RNF146: variants seen among roughly 807,000 people sequenced by gnomAD.
The protein encoded by RNF146 is ring finger protein 146.
In RNF146, 11 loss-of-function variants were observed where a neutral mutation model predicts 29.7. The ratio of observed to expected loss-of-function variants is 0.37; its 90% confidence interval spans 0.23 to 0.61. The LOEUF is 0.61. Ranked by LOEUF, RNF146 falls within the 20% of genes least tolerant of loss-of-function variation. The pLI, the probability that RNF146 is intolerant of heterozygous loss-of-function variation, is 0.66. For synonymous variants in RNF146, 150 were observed against 159.7 expected, an observed-to-expected ratio of 0.94 and a Z score of 0.46; for missense variants, 342 against 438.9, an observed-to-expected ratio of 0.78 and a Z score of 1.97.
In RNF146 at chr6:127,286,219, G is replaced by T; in HGVS notation, c.3-397G>T. On this transcript the variant is annotated intron_variant, in intron 2 of 2. Coordinates refer to ENST00000368314, the MANE Select transcript of RNF146 (RefSeq NM_001242850.2). This position sits in a 1 kb window ranked among gnomAD's most constrained non-coding sequence, Gnocchi z 4.6. Reference sequence around the variant, plus strand: ...TAATGGTTTAACTGAGTGCCTAAGAGCACATAATTAATAAAGGACTCTAAA... The same window carrying T: ...TAATGGTTTAACTGAGTGCCTAAGATCACATAATTAATAAAGGACTCTAAA... 8.2e-7 allele frequency: 1 copy of T among 1,224,456 alleles called. No homozygotes were observed. Among genetic ancestry groups the T allele is most frequent in the Non-Finnish European group, 1.0e-6 (1 of 980,378 alleles). The allele number at this position is 1,224,456 out of a possible 1,614,324, so 75.8% of individuals were successfully genotyped here. A position where few individuals can be genotyped will look rare whatever the true frequency, so the allele number is the denominator to read the frequency against.
intron 1 of RNF146, among the ~76,000 whole-genome samples, chr6:127,268,099 T>C (rs1451425314): frequency 6.6e-6 from 1 of 152,204 alleles, no homozygotes; most frequent in Non-Finnish European, 1.5e-5. Context: ...GTTTAATATT[T>C]TTGTAATATC....
intron 2 of RNF146, among the ~76,000 whole-genome samples, chr6:127,280,978 A>G (rs1011378468): frequency 2.6e-5 from 4 of 151,748 alleles, no homozygotes; most frequent in Admixed American, 6.6e-5. Flanking sequence ...TATAAGCCCT[A>G]TGCAACTTGA....
At chr6:127,282,624 A>G (rs924141711) in intron 2 of RNF146, among the ~76,000 whole-genome samples, 1 of 151,688 alleles carries the variant, frequency 6.6e-6, no homozygotes, top group African/African-American at 2.4e-5. Context: ...GGAAACTTAC[A>G]TCAGCAACCT....
At chr6:127,277,465 G>A (rs1424075575) in intron 1 of RNF146, among the ~76,000 whole-genome samples, 1 of 151,982 alleles carries the variant, frequency 6.6e-6, no homozygotes, top group Non-Finnish European at 1.5e-5. Context: ...ATTAGGCAGT[G>A]TTCTCTAGGG....
In RNF146 at chr6:127,287,274, C is replaced by T. The variant is rs1032777239; in HGVS notation, c.661C>T (p.Pro221Ser). The stretch of plus-strand genomic sequence containing the variant: ...TCAGCCCCTAGTGTCTTCTGTAAGG[C>T]CCCTAACATCAGTAGATGGTCAGTT... ...SVQPLVSSVR[P>S]LTSVDGQLTS... Residue 221 changes from proline to serine, a missense_variant, in exon 3 of 3, where the codon CCC becomes TCC. Pro to Ser is a moderately conservative substitution (Grantham distance 74). This residue lies in a region of RNF146 where 196 missense variants were observed against 208.9 expected (regional missense o/e 0.94). Transcript: ENST00000368314. 6.2e-7 allele frequency: 1 copy of T among 1,613,404 alleles called. No homozygotes were observed. Among genetic ancestry groups the T allele is most frequent in the Non-Finnish European group, 8.5e-7 (1 of 1,179,648 alleles).
chr6:127,273,402 A>T (rs1777760456), intron 1 of RNF146, among the ~76,000 whole-genome samples: 1 of 152,132 alleles, frequency 6.6e-6, no homozygotes, highest in Non-Finnish European at 1.5e-5. Flanking sequence ...ATACACTTTA[A>T]CTTCTTATAA....
intron 1 of RNF146, among the ~76,000 whole-genome samples, chr6:127,273,092 T>A (rs972700767): frequency 6.6e-6 from 1 of 152,138 alleles, no homozygotes; most frequent in Non-Finnish European, 1.5e-5. Flanking sequence ...TGGGAGCACT[T>A]CTAGCATCAC....
intron 1 of RNF146, among the ~76,000 whole-genome samples, chr6:127,267,468 C>G (rs1273104976): frequency 6.6e-6 from 1 of 152,200 alleles, no homozygotes; most frequent in Admixed American, 6.5e-5. Flanking sequence ...GTAGCCTGCT[C>G]CATGTTTTCC....
intron 1 of RNF146, among the ~76,000 whole-genome samples, chr6:127,268,665 A>G (rs1777013085): frequency 6.6e-6 from 1 of 152,032 alleles, no homozygotes; most frequent in South Asian, 2.1e-4. Flanking sequence ...ACATTTAAAT[A>G]TTTTTTTTCT....
chr6:127,267,222 C>A (rs2114383045), intron 1 of RNF146: 1 of 152,408 alleles, frequency 6.6e-6, no homozygotes, highest in Middle Eastern at 3.4e-3. Flanking sequence ...CCGTGACAGC[C>A]CCTGCGCTGC....
intron 1 of RNF146, among the ~76,000 whole-genome samples, chr6:127,267,343 T>C (rs1158302749): frequency 6.6e-6 from 1 of 152,142 alleles, no homozygotes; most frequent in Non-Finnish European, 1.5e-5. Context: ...CTGAGCCCGC[T>C]TCGCTGCCTC....
intron 2 of RNF146, among the ~76,000 whole-genome samples, chr6:127,283,861 A>G (rs1367677487): frequency 1.3e-5 from 2 of 151,744 alleles, no homozygotes; most frequent in Non-Finnish European, 3.0e-5. Context: ...ACTTTGTCCA[A>G]CTTCACTTCA....
intron 2 of RNF146, among the ~76,000 whole-genome samples, chr6:127,283,994 GT>G (rs1397357409): frequency 6.6e-6 from 1 of 151,686 alleles, no homozygotes; most frequent in African/African-American, 2.4e-5. Context: ...GAAATTATGT[GT>G]TTTGGTTTAT....
intron 1 of RNF146, among the ~76,000 whole-genome samples, chr6:127,279,238 G>GT (rs1433880788): frequency 1.3e-5 from 2 of 151,766 alleles, no homozygotes; most frequent in Admixed American, 1.3e-4. Context: ...TCTATTAAGA[G>GT]TTTTATGGTT....
rs781071785 is a variant in RNF146, at chr6:127,288,523, A to G, written c.*830A>G. On this transcript the variant is annotated 3_prime_UTR_variant, in exon 3 of 3. Transcript: ENST00000368314. ...CTTAGAGATTATTTAAACAGAATCT[A>G]TAGGCAGTGTGTATATAATAAACAT... 3 of 166,894 alleles carry G rather than the reference A, an allele frequency of 1.8e-5. No homozygotes were observed. Among genetic ancestry groups the G allele is most frequent in the Non-Finnish European group, 4.4e-5 (3 of 68,036 alleles). The allele number at this position is 166,894 out of a possible 1,614,324, so 10.3% of individuals were successfully genotyped here.
At chr6:127,270,625 A>T (rs1288581993) in intron 1 of RNF146, among the ~76,000 whole-genome samples, 1 of 152,136 alleles carries the variant, frequency 6.6e-6, no homozygotes, top group Non-Finnish European at 1.5e-5. Flanking sequence ...TTTTGTGCCC[A>T]GTTGAAATTA....
chr6:127,277,118 G>A (rs1778314358), intron 1 of RNF146, among the ~76,000 whole-genome samples: 1 of 152,036 alleles, frequency 6.6e-6, no homozygotes, highest in Non-Finnish European at 1.5e-5. Context: ...GTGAAAAGAT[G>A]ACATTAATCC....
chr6:127,286,694 T>C lies in RNF146; in HGVS notation c.81T>C (p.Asn27=), dbSNP rs898223792. ...GGAAAGCGAACGAGTCCTGTTCTAATACTGCACCTTCTTTAACCGTCCCTG... is the reference window on the plus strand; with the variant it reads ...GGAAAGCGAACGAGTCCTGTTCTAACACTGCACCTTCTTTAACCGTCCCTG... The part of the protein sequence containing the change: ...TNRKANESCS[N]TAPSLTVPEC... The change falls in exon 3 of 3, where the codon AAT becomes AAC. Residue 27 remains asparagine (N), a synonymous_variant. Transcript: ENST00000368314. The surrounding 1 kb of genome is among the most constrained non-coding windows in gnomAD (Gnocchi z 4.6). 1.2e-6 allele frequency: 2 copies of C among 1,613,448 alleles called. No homozygotes were observed.
intron 1 of RNF146, among the ~76,000 whole-genome samples, chr6:127,274,065 A>G (rs1352488696): frequency 6.6e-6 from 1 of 152,032 alleles, no homozygotes; most frequent in Non-Finnish European, 1.5e-5. Flanking sequence ...TTTCTTTATA[A>G]GGGGCTTTTT....
Sources: gnomAD v4.1 joint callset for allele counts (sites outside exome capture counted in the v4.1 genomes callset) on GRCh38, gnomAD v4.1.1 for gene constraint, gnomAD v4.1.1 regional missense constraint, Gnocchi (gnomAD v3.1) non-coding constraint, MANE v1.5 for transcripts, NCBI Gene and HGNC (gene_info 2026-07-23, HGNC 2026-07-21) for gene names.